Variants in ABLIM2 observed in about 807,000 individuals in gnomAD.
ABLIM2 encodes actin binding LIM protein family member 2, also known as actin-binding LIM protein 2.
ABLIM2 carries 53 observed loss-of-function variants against 97.7 expected under a neutral mutation model. That is an observed-to-expected ratio of 0.54 (90% CI 0.44 to 0.68). The LOEUF (loss-of-function observed/expected upper bound fraction) is 0.68, where lower values mean the gene tolerates loss of function less well. ABLIM2 is among the 30% of genes least tolerant of loss of function. ABLIM2 has a pLI of 0.00. For missense variants in ABLIM2, 835 were observed against 867.2 expected, an observed-to-expected ratio of 0.96 and a Z score of 0.47; for synonymous variants, 361 against 345.8, an observed-to-expected ratio of 1.04 and a Z score of -0.49.
At chr4:8,105,275 C>G (rs915767557) in intron 2 of ABLIM2, among the ~76,000 whole-genome samples, 4 of 152,208 alleles carry the variant, frequency 2.6e-5, no homozygotes, top group Non-Finnish European at 5.9e-5. Flanking sequence ...GGCATCCCCC[C>G]CTACACACAT....
chr4:8,055,629 G>C (rs971606520), intron 7 of ABLIM2, among the ~76,000 whole-genome samples: 7 of 152,236 alleles, frequency 4.6e-5, no homozygotes, highest in African/African-American at 1.7e-4. Flanking sequence ...GCTGAAAAGT[G>C]TGTGTGCAAT....
At position 8,080,691 on chromosome 4, in the gene ABLIM2, G is replaced by A; in HGVS notation, c.566C>T (p.Ala189Val). The change falls in exon 5 of 21, where the codon GCC becomes GTC. Residue 189 changes from alanine to valine, a missense_variant. Transcript: ENST00000447017. ...CCCCACTTACTTGCTGATGTACTCGGCATTCAGGAGCTTCCCACAGCTCTT... is the reference window on the plus strand; with the variant it reads ...CCCCACTTACTTGCTGATGTACTCGACATTCAGGAGCTTCCCACAGCTCTT... Reference protein sequence around the residue: ...KCKSCGKLLNAEYISKDGLPY... With the variant: ...KCKSCGKLLNVEYISKDGLPY... 1 of 1,608,688 alleles carries A rather than the reference G, an allele frequency of 6.2e-7. No homozygotes were observed. Among genetic ancestry groups the A allele is most frequent in the South Asian group, 1.1e-5 (1 of 90,386 alleles).
At chr4:8,070,145 G>A (rs542264159) in intron 6 of ABLIM2, among the ~76,000 whole-genome samples, 18 of 151,878 alleles carry the variant, frequency 1.2e-4, no homozygotes, top group Non-Finnish European at 2.1e-4. Context: ...GTGTCTGTGT[G>A]TGTACGTCTG....
At chr4:8,156,188 C>T (rs1715264667) in intron 1 of ABLIM2, among the ~76,000 whole-genome samples, 1 of 151,710 alleles carries the variant, frequency 6.6e-6, no homozygotes, top group African/African-American at 2.4e-5. Context: ...CTGGAATCCC[C>T]CCACCCCACC....
intron 6 of ABLIM2, among the ~76,000 whole-genome samples, chr4:8,077,000 C>G (rs1816619294): frequency 1.7e-5 from 1 of 60,266 alleles, no homozygotes; most frequent in Non-Finnish European, 3.2e-5. Flanking sequence ...GGGTGGGCTG[C>G]AGGATGGGGG....
In ABLIM2 at chr4:7,986,116, G is replaced by A. The variant is rs116137619; in HGVS notation, c.1681-1223C>T. Among the ~76,000 whole-genome samples, 6,147 of 152,272 alleles carry A rather than the reference G, an allele frequency of 0.04. 239 individuals carry two copies. The highest frequency in any genetic ancestry group is 0.1 in the African/African-American group (4,170 of 41,534). On this transcript the variant is annotated intron_variant, in intron 17 of 20. Transcript: ENST00000447017. The surrounding 1 kb of genome is among the most constrained non-coding windows in gnomAD (Gnocchi z 4.3). Reference sequence around the variant, plus strand: ...GGAACGGGGTCTCAAACGGGGTCAGGGCTCTCGGCCAGTGCTGCTGAAACT... The same window carrying A: ...GGAACGGGGTCTCAAACGGGGTCAGAGCTCTCGGCCAGTGCTGCTGAAACT...
Position 7,966,777 on chromosome 4 carries a change from A to C in ABLIM2, c.*213T>G. 2.4e-5 allele frequency: 13 copies of C among 546,476 alleles called. No individual in the cohort carries two copies. Among genetic ancestry groups the C allele is most frequent in the East Asian group, 3.0e-5 (1 of 33,440 alleles). The allele number at this position is 546,476 out of a possible 1,614,324, so 33.9% of individuals were successfully genotyped here. On this transcript the variant is annotated 3_prime_UTR_variant, in exon 21 of 21. Transcript: ENST00000447017. ...CCCTGACACCAAGCCACAGCGGGGA[A>C]GGGTGGCGTGAAGCTAGCCGTCTCG...
At chr4:8,152,477 G>A (rs1713319856) in intron 1 of ABLIM2, among the ~76,000 whole-genome samples, 1 of 152,258 alleles carries the variant, frequency 6.6e-6, no homozygotes, top group East Asian at 1.9e-4. Context: ...GGCACTTGAT[G>A]AGCCGCAGTC....
At chr4:8,143,164 G>GGT (rs1554123530) in intron 1 of ABLIM2, among the ~76,000 whole-genome samples, 1 of 148,946 alleles carries the variant, frequency 6.7e-6, no homozygotes, top group Non-Finnish European at 1.5e-5. Context: ...GAGAGTGGGG[G>GGT]GGGGGGGCGT....
rs571908039 is a variant in ABLIM2, at chr4:8,140,877, A to G, written c.10+17803T>C. Among the ~76,000 whole-genome samples the G allele has an allele frequency of 3.2e-3, 482 of 152,230 alleles. 2 individuals are homozygous for G. The highest frequency in any genetic ancestry group is 8.7e-3 in the Admixed American group (133 of 15,288). On this transcript the variant is annotated intron_variant, in intron 1 of 20. Transcript: ENST00000447017. This position sits in a 1 kb window ranked among gnomAD's most constrained non-coding sequence, Gnocchi z 5.9. ...AGAGCTATGAAGAATTAGAAGCTGG[A>G]CCAATGCAGAGGAGGCCTGGGTGGT...
At chr4:8,014,532 A>G (rs879512055) in intron 14 of ABLIM2, among the ~76,000 whole-genome samples, 21 of 152,208 alleles carry the variant, frequency 1.4e-4, no homozygotes, top group Admixed American at 3.9e-4. Context: ...GGCCCACAGC[A>G]TGGGCGTTGG....
At chr4:8,052,663 C>T (rs546489767) in intron 8 of ABLIM2, among the ~76,000 whole-genome samples, 47 of 152,368 alleles carry the variant, frequency 3.1e-4, no homozygotes, top group African/African-American at 1.1e-3. Flanking sequence ...GCCCTGCCTG[C>T]TCTGCTGGCC....
rs970428168 is a variant in ABLIM2, at chr4:8,132,163, A to G, written c.11-25526T>C. On this transcript the variant is annotated intron_variant, in intron 1 of 20. Coordinates refer to ENST00000447017, the MANE Select transcript of ABLIM2 (RefSeq NM_001130083.2). This position sits in a 1 kb window ranked among gnomAD's most constrained non-coding sequence, Gnocchi z 8.0. The stretch of plus-strand genomic sequence containing the variant: ...CCTGGTTGGAAAGGAAACAGCGTAC[A>G]TGGTCCCACGAGGCTGCAATCACCC... Among the ~76,000 whole-genome samples the G allele has an allele frequency of 2.6e-5, 4 of 151,726 alleles. No homozygotes were observed. Among genetic ancestry groups the G allele is most frequent in the African/African-American group, 9.7e-5 (4 of 41,250 alleles).
chr4:8,002,963 C>T lies in ABLIM2; in HGVS notation c.1618+5096G>A, dbSNP rs1440954522. ...CCAGCCCTCTCTAGCCCTCTTAGCA[C>T]AGGGCACTGATATAACTCACTTTCA... On this transcript the variant is annotated intron_variant, in intron 16 of 20. Coordinates refer to ENST00000447017, the MANE Select transcript of ABLIM2 (RefSeq NM_001130083.2). This position sits in a 1 kb window ranked among gnomAD's most constrained non-coding sequence, Gnocchi z 6.1. 1.3e-5 allele frequency among the ~76,000 whole-genome samples: 2 copies of T among 152,226 alleles called. No homozygotes were observed. Among genetic ancestry groups the T allele is most frequent in the African/African-American group, 2.4e-5 (1 of 41,464 alleles).
intron 18 of ABLIM2, 39 bp downstream of exon 18, chr4:7,984,800 G>A: frequency 1.3e-6 from 2 of 1,553,688 alleles, no homozygotes; most frequent in Non-Finnish European, 1.7e-6. Context: ...AGCGACCCCT[G>A]CCCCAGCCAG....
At chr4:8,093,377 T>C (rs572701526) in intron 3 of ABLIM2, among the ~76,000 whole-genome samples, 5 of 152,344 alleles carry the variant, frequency 3.3e-5, no homozygotes, top group African/African-American at 1.2e-4. Flanking sequence ...TGTAAGTTTA[T>C]TTTGGTGCAG....
intron 8 of ABLIM2, 106 bp from the exon 9 acceptor site, chr4:8,045,347 T>C (rs1374793674): frequency 9.3e-7 from 1 of 1,074,864 alleles, no homozygotes; most frequent in Admixed American, 1.7e-5. Flanking sequence ...CGCACTGCGG[T>C]GTTTCTTTAA....
At chr4:8,034,147 G>A (rs976490371) in intron 10 of ABLIM2, among the ~76,000 whole-genome samples, 2 of 152,166 alleles carry the variant, frequency 1.3e-5, no homozygotes, top group Admixed American at 6.5e-5. Context: ...CCCTGTGGCC[G>A]AGACGCGAGT....
rs780003680 is a variant in ABLIM2, at chr4:8,002,810, C to T, written c.1618+5249G>A. On this transcript the variant is annotated intron_variant, in intron 16 of 20. Coordinates refer to ENST00000447017, the MANE Select transcript of ABLIM2 (RefSeq NM_001130083.2). This position sits in a 1 kb window ranked among gnomAD's most constrained non-coding sequence, Gnocchi z 6.1. ...TTCTTCCAACCCACGGCCCGGCCTCCGCCCTGGGTGATGCGGAATGCTCTC... is the reference window on the plus strand; with the variant it reads ...TTCTTCCAACCCACGGCCCGGCCTCTGCCCTGGGTGATGCGGAATGCTCTC... Among the ~76,000 whole-genome samples the T allele has an allele frequency of 1.3e-5, 2 of 152,312 alleles. No individual in the cohort carries two copies. The highest frequency in any genetic ancestry group is 6.5e-5 in the Admixed American group (1 of 15,294).
Sources: allele counts gnomAD v4.1 joint callset (sites outside exome capture counted in the v4.1 genomes callset), GRCh38; gene constraint gnomAD v4.1.1; non-coding constraint Gnocchi (gnomAD v3.1); transcripts MANE v1.5; gene names NCBI Gene and HGNC (gene_info 2026-07-23, HGNC 2026-07-21).